CFH: variants seen among roughly 807,000 people sequenced by gnomAD.
CFH encodes the protein complement factor H, also known as H factor 1 (complement).
CFH carries 53 observed loss-of-function variants against 147.3 expected under a neutral mutation model. That is an observed-to-expected ratio of 0.36 (90% CI 0.29 to 0.45). The LOEUF is 0.45. CFH is among the 20% of genes least tolerant of loss of function. The pLI is 1.00. For synonymous variants in CFH, 536 were observed against 489.4 expected (o/e 1.10, Z -1.26); for missense variants, 1,380 against 1,498.0 (o/e 0.92, Z 1.30).
chr1:196,734,969 C>T (rs79848169), intron 15 of CFH, among the ~76,000 whole-genome samples: 2,209 of 152,128 alleles, frequency 0.015, 56 homozygotes, highest in African/African-American at 0.05. Context: ...GTTTTAATTT[C>T]ACTTTTCTCA....
chr1:196,661,084 G>A (rs958369279), intron 1 of CFH, among the ~76,000 whole-genome samples: 4 of 152,054 alleles, frequency 2.6e-5, no homozygotes, highest in African/African-American at 9.7e-5. Flanking sequence ...GAAGGGGCCG[G>A]GGATTGTGTT....
chr1:196,673,249 T>C, intron 2 of CFH, 86 bp downstream of exon 2: 1 of 1,168,596 alleles, frequency 8.6e-7, no homozygotes, highest in Non-Finnish European at 1.3e-6. Context: ...ATGCCTGAAT[T>C]ATATCACTAT....
chr1:196,665,375 ATATAAT>A (rs1475693961), intron 1 of CFH, among the ~76,000 whole-genome samples: 2 of 150,670 alleles, frequency 1.3e-5, no homozygotes, highest in African/African-American at 4.8e-5. Context: ...TATAAAATAA[ATATAAT>A]TATAGATAGA....
At chr1:196,714,056 A>AT (rs906725405) in intron 10 of CFH, 139 bp downstream of exon 10, 159 of 739,474 alleles carry the variant, frequency 2.2e-4, no homozygotes, top group African/African-American at 4.3e-4. Context: ...GCAGACATCA[A>AT]TTTTTTTTCC....
At chr1:196,747,004 G>C in intron 21 of CFH, 107 bp from the exon 22 acceptor site, 5 of 1,555,290 alleles carry the variant, frequency 3.2e-6, no homozygotes, top group Non-Finnish European at 4.4e-6. Flanking sequence ...ATAGTGTTTT[G>C]AGAAATAATT....
At chr1:196,716,846 A>G (rs16840465) in intron 11 of CFH, among the ~76,000 whole-genome samples, 1 of 152,094 alleles carries the variant, frequency 6.6e-6, no homozygotes, top group Non-Finnish European at 1.5e-5. Flanking sequence ...ACTTGGACAC[A>G]TTATGATTGA....
At chr1:196,714,723 A>G (rs189971718) in intron 10 of CFH, among the ~76,000 whole-genome samples, 5 of 127,936 alleles carry the variant, frequency 3.9e-5, no homozygotes, top group African/African-American at 8.9e-5. Flanking sequence ...AGAGAGATGG[A>G]GTCTTGCTCT....
At chr1:196,743,427 A>T (rs1168520016) in intron 19 of CFH, 25 bp from the exon 20 acceptor site, 10 of 1,613,766 alleles carry the variant, frequency 6.2e-6, no homozygotes, top group Non-Finnish European at 8.5e-6. Context: ...CACTAGGTGG[A>T]ACCACTTCTT....
rs1225296904 is a variant in CFH at position 196,692,769 on chromosome 1, T to C, written c.1336+2530T>C. 1.5e-3 allele frequency among the ~76,000 whole-genome samples: 101 copies of C among 69,228 alleles called. 1 individual carries two copies. The highest frequency in any genetic ancestry group is 5.0e-3 in the African/African-American group (84 of 16,822). 45.4% of individuals were successfully genotyped at this position (69,228 alleles called of 152,430 possible). On this transcript the variant is annotated intron_variant, in intron 9 of 21. Transcript: ENST00000367429. ...CTTTTTCTTTCTTTCTTTCTTTCTT[T>C]CTTTCTTTCTTTCTTTCTTTCTTTC...
chr1:196,709,643 A>T (rs1014845575), intron 9 of CFH, among the ~76,000 whole-genome samples: 2 of 152,240 alleles, frequency 1.3e-5, no homozygotes, highest in East Asian at 3.9e-4. Context: ...CATTTGTCCA[A>T]CTTCTCTGTA....
intron 1 of CFH, among the ~76,000 whole-genome samples, chr1:196,670,219 G>T (rs1667230779): frequency 6.6e-6 from 1 of 152,118 alleles, no homozygotes; most frequent in Non-Finnish European, 1.5e-5. Context: ...GACTTGCCTT[G>T]TCTCAGATGA....
chr1:196,718,546 A>G (rs1668925348), intron 11 of CFH, among the ~76,000 whole-genome samples: 1 of 152,098 alleles, frequency 6.6e-6, no homozygotes, highest in Admixed American at 6.6e-5. Flanking sequence ...TGGATCATAA[A>G]GAGGTTGAGT....
chr1:196,743,841 C>A (rs190911226), intron 20 of CFH, among the ~76,000 whole-genome samples: 1 of 151,982 alleles, frequency 6.6e-6, no homozygotes, highest in Non-Finnish European at 1.5e-5. Flanking sequence ...AGAGTTGGAA[C>A]CTGAAAAACA....
intron 10 of CFH, 45 bp downstream of exon 10, chr1:196,713,962 A>C: frequency 6.5e-7 from 1 of 1,541,464 alleles, no homozygotes; most frequent in Non-Finnish European, 9.0e-7. Context: ...GATGATACAC[A>C]AAAGTTTACT....
At chr1:196,673,597 A>G (rs1667357786) in intron 2 of CFH, among the ~76,000 whole-genome samples, 1 of 152,146 alleles carries the variant, frequency 6.6e-6, no homozygotes, top group Non-Finnish European at 1.5e-5. Context: ...CAGCCTCCCA[A>G]AGTGCTGGGA....
At chr1:196,704,005 A>AAAG (rs59755946) in intron 9 of CFH, among the ~76,000 whole-genome samples, 1 of 150,002 alleles carries the variant, frequency 6.7e-6, no homozygotes, top group East Asian at 2.0e-4. Context: ...AAAAAAAAAA[A>AAAG]GACAGAGTTT....
At chr1:196,745,261 C>T (rs1652960738) in intron 20 of CFH, among the ~76,000 whole-genome samples, 2 of 151,894 alleles carry the variant, frequency 1.3e-5, no homozygotes, top group South Asian at 4.2e-4. Context: ...TTTTCCAGCC[C>T]AATATCCTTT....
chr1:196,738,114 A>C (rs1418422059), intron 17 of CFH, among the ~76,000 whole-genome samples: 1 of 152,182 alleles, frequency 6.6e-6, no homozygotes, highest in Non-Finnish European at 1.5e-5. Context: ...TCTCATGAAA[A>C]CACACTCACT....
chr1:196,736,442 G>T (rs552028199), intron 15 of CFH, among the ~76,000 whole-genome samples: 1 of 151,948 alleles, frequency 6.6e-6, no homozygotes, highest in South Asian at 2.1e-4. Flanking sequence ...TTTGATTATA[G>T]ATATCAATTT....
Sources: allele counts gnomAD v4.1 joint callset (sites outside exome capture counted in the v4.1 genomes callset), GRCh38; gene constraint gnomAD v4.1.1; transcripts MANE v1.5; gene names NCBI Gene and HGNC (gene_info 2026-07-23, HGNC 2026-07-21).